The following C10orf90 variants were observed in gnomAD, a reference collection of about 807,000 sequenced individuals.
C10orf90 encodes the protein chromosome 10 open reading frame 90.
Under a neutral mutation model 62.5 loss-of-function variants are expected in C10orf90, and 56 were observed. The ratio of observed to expected loss-of-function variants is 0.90; its 90% CI spans 0.72 to 1.12. The LOEUF is 1.12. Among genes scored for constraint, C10orf90 ranks in the 50% most tolerant of loss-of-function variants. The pLI is 0.00. For missense variants in C10orf90, 970 were observed against 880.4 expected (o/e 1.10, Z -1.29); for synonymous variants, 386 against 340.4 (o/e 1.13, Z -1.47).
chr10:126,605,103 G>C (rs1386144462), intron 2 of C10orf90, among the ~76,000 whole-genome samples: 1 of 152,178 alleles, frequency 6.6e-6, no homozygotes, highest in Non-Finnish European at 1.5e-5. Context: ...TCATTTAATG[G>C]CCATTTTAAA....
At chr10:126,596,265 C>T (rs1283754215) in intron 2 of C10orf90, among the ~76,000 whole-genome samples, 2 of 151,560 alleles carry the variant, frequency 1.3e-5, no homozygotes, top group Admixed American at 6.6e-5. Context: ...ATTGCTCCAC[C>T]GCACTCCAGC....
chr10:126,587,561 T>C (rs543206632), intron 2 of C10orf90, among the ~76,000 whole-genome samples: 212 of 152,302 alleles, frequency 1.4e-3, no homozygotes, highest in Non-Finnish European at 2.2e-3. Flanking sequence ...CATCTGAACC[T>C]AATTACCTCC....
At chr10:126,617,764 C>T (rs1019261659) in intron 2 of C10orf90, among the ~76,000 whole-genome samples, 2 of 152,202 alleles carry the variant, frequency 1.3e-5, no homozygotes, top group African/African-American at 4.8e-5. Context: ...GATCTGCTAC[C>T]TCATCCCACA....
chr10:126,667,911 AG>A (rs1356464275), intron 1 of C10orf90, among the ~76,000 whole-genome samples: 1 of 152,148 alleles, frequency 6.6e-6, no homozygotes, highest in Non-Finnish European at 1.5e-5. Context: ...ATATGAACCC[AG>A]GGACCTTCAG....
chr10:126,483,431 T>G (rs1564823687), intron 4 of C10orf90, among the ~76,000 whole-genome samples: 1 of 152,222 alleles, frequency 6.6e-6, no homozygotes, highest in Non-Finnish European at 1.5e-5. Context: ...CTCTCAATCC[T>G]TTCTCTACTA....
chr10:126,629,806 C>T (rs867823542), intron 2 of C10orf90, among the ~76,000 whole-genome samples: 3 of 152,164 alleles, frequency 2.0e-5, no homozygotes, highest in South Asian at 4.1e-4. Context: ...GAGCCATGAG[C>T]CCGGCAAAGC....
intron 1 of C10orf90, among the ~76,000 whole-genome samples, chr10:126,663,394 A>G (rs1232594176): frequency 3.3e-5 from 5 of 152,192 alleles, no homozygotes; most frequent in African/African-American, 1.2e-4. Flanking sequence ...CGTAACATAG[A>G]TGGAATCCTC....
intron 2 of C10orf90, among the ~76,000 whole-genome samples, chr10:126,583,976 A>C (rs1844805948): frequency 6.6e-6 from 1 of 152,036 alleles, no homozygotes; most frequent in Non-Finnish European, 1.5e-5. Flanking sequence ...AAAAATTAGC[A>C]GGGCATGGTG....
chr10:126,438,249 A>C (rs1196803522), intron 7 of C10orf90, among the ~76,000 whole-genome samples: 2 of 152,148 alleles, frequency 1.3e-5, no homozygotes, highest in Admixed American at 1.3e-4. Context: ...ATTGCTCAAC[A>C]TAGAGGATGC....
chr10:126,616,850 C>G (rs1240222081), intron 2 of C10orf90, among the ~76,000 whole-genome samples: 2 of 152,158 alleles, frequency 1.3e-5, no homozygotes, highest in African/African-American at 4.8e-5. Context: ...TAAGTCTTCC[C>G]TCTGGGATCC....
rs1233036070 is a variant in C10orf90, at chr10:126,550,272, G to A, written c.314-36333C>T. Among the ~76,000 whole-genome samples, 4 of 151,908 alleles carry A rather than the reference G, an allele frequency of 2.6e-5. No individual in the cohort carries two copies. The East Asian group carries it at 7.8e-4, about 30-fold the overall frequency. Reference sequence around the variant, plus strand: ...CGCCTGGCTCCTATACAGCATTCTTGACGTGACAAAATTATAGAAAAGGAG... The same window carrying A: ...CGCCTGGCTCCTATACAGCATTCTTAACGTGACAAAATTATAGAAAAGGAG... On this transcript the variant is annotated intron_variant, in intron 2 of 9. Transcript: ENST00000488181.
intron 1 of C10orf90, among the ~76,000 whole-genome samples, chr10:126,669,997 T>C (rs1846715014): frequency 6.6e-6 from 1 of 152,196 alleles, no homozygotes; most frequent in Non-Finnish European, 1.5e-5. Flanking sequence ...ATAAAGTTTG[T>C]AAATGCAGAC....
Position 126,638,296 on chromosome 10 carries a change from A to T in C10orf90, c.313+8269T>A, listed in dbSNP as rs114436825. Among the ~76,000 whole-genome samples, 627 of 152,056 alleles carry T rather than the reference A, an allele frequency of 4.1e-3. 6 individuals are homozygous for T. Among genetic ancestry groups the T allele is most frequent in the African/African-American group, 0.014 (561 of 41,472 alleles). On this transcript the variant is annotated intron_variant, in intron 2 of 9. Transcript: ENST00000488181. ...GTCATGAGCCAGGGATGTGTGTGGG[A>T]CCTGGGCACCATCTCTTTCCACTGT...
intron 2 of C10orf90, among the ~76,000 whole-genome samples, chr10:126,626,845 C>T (rs971926630): frequency 6.6e-6 from 1 of 152,194 alleles, no homozygotes; most frequent in Admixed American, 6.5e-5. Context: ...GCTGTCAAAA[C>T]TTCTCAACTC....
intron 2 of C10orf90, among the ~76,000 whole-genome samples, chr10:126,528,622 T>G (rs535230955): frequency 6.6e-6 from 1 of 152,304 alleles, no homozygotes; most frequent in East Asian, 1.9e-4. Context: ...CAAGGCCAGC[T>G]CCACCACGGC....
intron 4 of C10orf90, among the ~76,000 whole-genome samples, chr10:126,487,142 C>CAAAAAAAAAAAAAAAAAAAAA (rs1158481155): frequency 4.1e-4 from 12 of 29,456 alleles, no homozygotes; most frequent in Admixed American, 5.0e-4. Flanking sequence ...AAAACTCTGT[C>CAAAAAAAAAAAAAAAAAAAAA]AAAAAAAAAA....
intron 2 of C10orf90, among the ~76,000 whole-genome samples, chr10:126,573,759 A>G (rs377188525): frequency 9.7e-4 from 148 of 152,284 alleles, no homozygotes; most frequent in South Asian, 6.0e-3. Flanking sequence ...ACTGATCCCC[A>G]GTACCCAACA....
chr10:126,565,955 A>G (rs1844377911), intron 2 of C10orf90, among the ~76,000 whole-genome samples: 1 of 152,168 alleles, frequency 6.6e-6, no homozygotes, highest in South Asian at 2.1e-4. Context: ...TCCCCTTATC[A>G]TTTCCATATT....
chr10:126,481,850 C>T (rs1358858141), intron 4 of C10orf90, among the ~76,000 whole-genome samples: 1 of 152,120 alleles, frequency 6.6e-6, no homozygotes, highest in African/African-American at 2.4e-5. Flanking sequence ...CAAAGACCAG[C>T]CATAAAGCCT....
Sources: allele counts gnomAD v4.1 joint callset (sites outside exome capture counted in the v4.1 genomes callset), GRCh38; gene constraint gnomAD v4.1.1; transcripts MANE v1.5; gene names NCBI Gene and HGNC (gene_info 2026-07-23, HGNC 2026-07-21).